Variants in GSN observed in about 807,000 individuals in gnomAD.
GSN encodes the protein actin-depolymerizing factor.
A neutral mutation model predicts 85.7 loss-of-function variants in GSN; 56 were observed. The observed-to-expected ratio is 0.65, with a 90% confidence interval of 0.53 to 0.82. GSN has a LOEUF of 0.82. Ranked by LOEUF, GSN falls within the 40% of genes least tolerant of loss-of-function variation. The probability of loss-of-function intolerance (pLI) is 0.00; values close to 1 mark genes in which losing one functional copy is unlikely to be tolerated. For synonymous variants in GSN, 373 were observed against 399.1 expected, an observed-to-expected ratio of 0.93 and a Z score of 0.78; for missense variants, 857 against 979.8, an observed-to-expected ratio of 0.87 and a Z score of 1.67.
intron 4 of GSN, among the ~76,000 whole-genome samples, chr9:121,216,370 A>T (rs2132091363): frequency 6.6e-6 from 1 of 152,354 alleles, no homozygotes; most frequent in African/African-American, 2.4e-5. Context: ...AGAACAGCTG[A>T]CAAATGAAAC....
intron 11 of GSN, among the ~76,000 whole-genome samples, chr9:121,321,764 CAG>C (rs2062489077): frequency 6.6e-6 from 1 of 151,572 alleles, no homozygotes; most frequent in Non-Finnish European, 1.5e-5. Context: ...TATTTTGAGA[CAG>C]AGTTTTTCTC....
At chr9:121,254,163 A>G (rs1168444474) in intron 6 of GSN, among the ~76,000 whole-genome samples, 3 of 152,218 alleles carry the variant, frequency 2.0e-5, no homozygotes, top group Non-Finnish European at 2.9e-5. Flanking sequence ...AGCGGTCAGG[A>G]GCGCTCAGCC....
rs546116773 is a variant in GSN, at chr9:121,255,464, G to A, written c.-341+7141G>A. On this transcript the variant is annotated intron_variant, in intron 6 of 24. Coordinates refer to the GSN transcript ENST00000373823. ...TTTCCCAGGCTGGTCTCAAATTCCT[G>A]GCCTCAAGTGGTCCTCCCACCTCAG... 8.5e-5 allele frequency among the ~76,000 whole-genome samples: 13 copies of A among 152,218 alleles called. No homozygotes were observed. The South Asian group carries it at 2.5e-3, about 29-fold the overall frequency.
At chr9:121,327,700 G>A (rs1031830588) in intron 14 of GSN, among the ~76,000 whole-genome samples, 4 of 152,208 alleles carry the variant, frequency 2.6e-5, no homozygotes, top group East Asian at 3.9e-4. Flanking sequence ...TAGCCTGGGC[G>A]TGGTGGTTCA....
intron 10 of GSN, among the ~76,000 whole-genome samples, chr9:121,319,405 G>A (rs1036318430): frequency 4.6e-5 from 7 of 152,146 alleles, no homozygotes; most frequent in African/African-American, 1.7e-4. Context: ...GTGTAGACTT[G>A]ATCCTCTAAC....
chr9:121,270,957 C>G (rs1054451435), intron 1 of GSN, among the ~76,000 whole-genome samples: 34 of 152,178 alleles, frequency 2.2e-4, no homozygotes, highest in African/African-American at 8.2e-4. Context: ...GAAGCACTGA[C>G]TTGGAAATGG....
chr9:121,330,308 C>G lies in GSN; in HGVS notation c.1965+993C>G, dbSNP rs373072745. On this transcript the variant is annotated intron_variant, in intron 16 of 17. Transcript: ENST00000432226. ...TAAGAGAGGGCCAGACATGTTGGCT[C>G]ACACTTGTAAACCCAGCACTTTGAG... Among the ~76,000 whole-genome samples the G allele has an allele frequency of 2.6e-5, 4 of 152,294 alleles. No individual in the cohort carries two copies. In the South Asian group the frequency reaches 8.3e-4, roughly 32 times the overall value.
chr9:121,231,656 G>C (rs1162057860), intron 5 of GSN, among the ~76,000 whole-genome samples: 2 of 152,216 alleles, frequency 1.3e-5, no homozygotes, highest in Admixed American at 6.5e-5. Context: ...ATTTTCAACA[G>C]AGTGACCACA....
chr9:121,220,738 C>T (rs544055075), intron 4 of GSN, among the ~76,000 whole-genome samples: 1 of 152,250 alleles, frequency 6.6e-6, no homozygotes, highest in South Asian at 2.1e-4. Flanking sequence ...TCTAATATGC[C>T]AGTAAAAGTT....
At chr9:121,294,293 T>C (rs1350878838) in intron 2 of GSN, among the ~76,000 whole-genome samples, 2 of 151,880 alleles carry the variant, frequency 1.3e-5, no homozygotes, top group Non-Finnish European at 2.9e-5. Context: ...TTCCCAGGGG[T>C]GGGTGGTGGG....
intron 1 of GSN, among the ~76,000 whole-genome samples, chr9:121,270,386 C>T (rs751626450): frequency 6.6e-6 from 1 of 152,236 alleles, no homozygotes; most frequent in Non-Finnish European, 1.5e-5. Context: ...GATCTGGAGG[C>T]AGGAAGGCCC....
intron 11 of GSN, 92 bp downstream of exon 11, chr9:121,321,493 G>T: frequency 2.4e-6 from 3 of 1,263,804 alleles, no homozygotes; most frequent in Admixed American, 3.6e-5. Flanking sequence ...AGGGCCTGAG[G>T]TGGGACCACC....
At chr9:121,249,006 A>C (rs2054759248) in intron 6 of GSN, among the ~76,000 whole-genome samples, 1 of 152,204 alleles carries the variant, frequency 6.6e-6, no homozygotes, top group African/African-American at 2.4e-5. Context: ...GATTGGGGGC[A>C]CTGAGGCCAG....
intron 2 of GSN, chr9:121,286,643 G>A: frequency 6.5e-7 from 1 of 1,532,768 alleles, no homozygotes; most frequent in Non-Finnish European, 8.7e-7. Context: ...TCCTGTTTGT[G>A]TGCCCTCTGG....
intron 1 of GSN, among the ~76,000 whole-genome samples, chr9:121,277,114 G>T (rs1300029312): frequency 6.6e-6 from 1 of 152,094 alleles, no homozygotes; most frequent in Non-Finnish European, 1.5e-5. Context: ...CCTGGTTAAG[G>T]TTTTATTTTA....
intron 2 of GSN, among the ~76,000 whole-genome samples, chr9:121,298,724 T>G (rs1364239145): frequency 1.3e-5 from 2 of 152,224 alleles, no homozygotes; most frequent in African/African-American, 4.8e-5. Context: ...TGCATCAGGC[T>G]GCAGGGTGAA....
upstream of GSN, among the ~76,000 whole-genome samples, chr9:121,267,493 A>G (rs2055271938): frequency 6.6e-6 from 1 of 152,156 alleles, no homozygotes. Flanking sequence ...CAGGATGCCC[A>G]TTTGACAAAC....
At chr9:121,320,025 G>A (rs1003055315) in intron 10 of GSN, among the ~76,000 whole-genome samples, 6 of 152,200 alleles carry the variant, frequency 3.9e-5, no homozygotes, top group African/African-American at 9.6e-5. Context: ...AAAATATTTC[G>A]GGTGGGGCGG....
In GSN at chr9:121,306,136, C is replaced by T. The variant is rs117266484; in HGVS notation, c.351+3071C>T. On this transcript the variant is annotated intron_variant, in intron 4 of 17. Transcript: ENST00000432226. ...TTTTTGGACTGAATCCTGGAGACCC[C>T]GTGGGGCTGGGTTATTTGAAACCCA... Among the ~76,000 whole-genome samples the T allele has an allele frequency of 1.6e-3, 247 of 152,252 alleles. 5 individuals are homozygous for T. In the East Asian group the frequency reaches 0.04, roughly 25 times the overall value.
Sources: allele counts gnomAD v4.1 joint callset (sites outside exome capture counted in the v4.1 genomes callset), GRCh38; gene constraint gnomAD v4.1.1; transcripts MANE v1.5; gene names NCBI Gene and HGNC (gene_info 2026-07-23, HGNC 2026-07-21).